Variants in NCALD observed in about 807,000 individuals in gnomAD.
NCALD encodes neurocalcin delta.
Under a neutral mutation model 18.6 loss-of-function variants are expected in NCALD, and 10 were observed. That is an observed-to-expected ratio of 0.54 (90% CI 0.33 to 0.91). The LOEUF is 0.91. Among genes scored for constraint, NCALD ranks in the 40% least tolerant of loss-of-function variants. The pLI, the probability that NCALD is intolerant of heterozygous loss-of-function variation, is 0.03. For synonymous variants in NCALD, 88 were observed against 87.4 expected (o/e 1.01, Z -0.04); for missense variants, 184 against 247.6 (o/e 0.74, Z 1.72).
At chr8:101,924,316 T>G (rs1818266896) in intron 2 of NCALD, among the ~76,000 whole-genome samples, 1 of 152,258 alleles carries the variant, frequency 6.6e-6, no homozygotes, top group Non-Finnish European at 1.5e-5. Flanking sequence ...GTTTCTGGTC[T>G]GTCAGCACTG....
chr8:101,924,091 T>A (rs759658169), intron 2 of NCALD, among the ~76,000 whole-genome samples: 1 of 152,166 alleles, frequency 6.6e-6, no homozygotes, highest in Non-Finnish European at 1.5e-5. Context: ...CCCCATCCAT[T>A]GATCCCCAGG....
intron 4 of NCALD, among the ~76,000 whole-genome samples, chr8:101,796,085 C>A (rs1391146718): frequency 1.3e-5 from 2 of 152,066 alleles, no homozygotes; most frequent in Non-Finnish European, 2.9e-5. Flanking sequence ...TTTCATATCT[C>A]AAAACTGAAA....
chr8:101,724,803 G>A (rs769895558), intron 1 of NCALD, among the ~76,000 whole-genome samples: 7 of 152,220 alleles, frequency 4.6e-5, no homozygotes, highest in Non-Finnish European at 7.3e-5. Flanking sequence ...CTAACTGTGA[G>A]TGTGGGCTGC....
intron 1 of NCALD, among the ~76,000 whole-genome samples, chr8:102,066,286 T>A (rs558883438): frequency 3.9e-5 from 6 of 152,220 alleles, no homozygotes; most frequent in Non-Finnish European, 8.8e-5. Context: ...ATATTTTATG[T>A]TCTGGTTCTC....
chr8:102,003,173 T>C (rs571179901), intron 2 of NCALD, among the ~76,000 whole-genome samples: 1,834 of 151,724 alleles, frequency 0.012, 11 homozygotes, highest in Non-Finnish European at 0.018. Context: ...ATCAAACAGA[T>C]GCAATAAAAA....
At chr8:101,843,244 T>C (rs541838871) in intron 4 of NCALD, among the ~76,000 whole-genome samples, 1 of 152,348 alleles carries the variant, frequency 6.6e-6, no homozygotes. Context: ...GTCCAGGTAA[T>C]TGTAGGAAGA....
chr8:101,831,781 T>G (rs1814199005), intron 4 of NCALD, among the ~76,000 whole-genome samples: 2 of 152,064 alleles, frequency 1.3e-5, no homozygotes, highest in African/African-American at 4.8e-5. Flanking sequence ...TGACCTCATC[T>G]AGACTATTCT....
At chr8:101,921,903 C>T (rs995797498) in intron 2 of NCALD, among the ~76,000 whole-genome samples, 3 of 151,582 alleles carry the variant, frequency 2.0e-5, no homozygotes, top group African/African-American at 7.3e-5. Flanking sequence ...TCCTTCATCT[C>T]AAAGTTATAT....
chr8:101,931,478 G>A (rs1818569627), intron 2 of NCALD, among the ~76,000 whole-genome samples: 1 of 152,282 alleles, frequency 6.6e-6, no homozygotes, highest in African/African-American at 2.4e-5. Flanking sequence ...AAGAAGCCTG[G>A]ACTGGACACT....
rs552489635 is a variant in NCALD, at chr8:101,727,040, T to G, written c.-19-7392A>C. ...AAACCATGCCCTCTTCAGTGTTGTG[T>G]CCTTCATGCCCAGTTCAAGACTGGA... On this transcript the variant is annotated intron_variant, in intron 1 of 3. Transcript: ENST00000220931. 2.2e-4 allele frequency among the ~76,000 whole-genome samples: 34 copies of G among 152,350 alleles called. 1 individual carries two copies. Among genetic ancestry groups the G allele is most frequent in the African/African-American group, 8.2e-4 (34 of 41,578 alleles).
At chr8:102,044,860 G>A (rs143612544) in intron 1 of NCALD, among the ~76,000 whole-genome samples, 9 of 152,270 alleles carry the variant, frequency 5.9e-5, no homozygotes, top group Non-Finnish European at 1.0e-4. Context: ...CCAGGCTTCA[G>A]TTTGGACACC....
At chr8:101,816,702 C>T (rs139569788) in intron 4 of NCALD, among the ~76,000 whole-genome samples, 170 of 152,216 alleles carry the variant, frequency 1.1e-3, no homozygotes, top group African/African-American at 3.8e-3. Context: ...AAAATGTCCC[C>T]GCTACAATAC....
At chr8:101,725,316 A>T (rs939454531) in intron 1 of NCALD, among the ~76,000 whole-genome samples, 1 of 152,194 alleles carries the variant, frequency 6.6e-6, no homozygotes, top group African/African-American at 2.4e-5. Flanking sequence ...ACATGGCTTA[A>T]CTTCAGACAG....
At chr8:101,988,330 A>G (rs1370574340) in intron 2 of NCALD, among the ~76,000 whole-genome samples, 1 of 152,220 alleles carries the variant, frequency 6.6e-6, no homozygotes, top group Non-Finnish European at 1.5e-5. Flanking sequence ...GTATGCGTGC[A>G]TGTATGTGTG....
intron 1 of NCALD, among the ~76,000 whole-genome samples, chr8:102,084,113 T>C (rs1194184012): frequency 6.6e-6 from 1 of 152,246 alleles, no homozygotes; most frequent in African/African-American, 2.4e-5. Flanking sequence ...TTCTTGTTCA[T>C]GCCTTTTCTT....
rs144066865 is a variant in NCALD at position 101,999,214 on chromosome 8, A to G, written c.-157+21023T>C. Among the ~76,000 whole-genome samples the G allele has an allele frequency of 2.2e-3, 338 of 152,298 alleles. 3 individuals are homozygous for G. Among genetic ancestry groups the G allele is most frequent in the Non-Finnish European group, 3.2e-3 (217 of 68,020 alleles). On this transcript the variant is annotated intron_variant, in intron 2 of 6. Transcript: ENST00000311028. Reference sequence around the variant, plus strand: ...AAGATACTTGCACACATATGTTTATACCAGCACAATTCACAATTGCAAAAA... The same window carrying G: ...AAGATACTTGCACACATATGTTTATGCCAGCACAATTCACAATTGCAAAAA...
chr8:101,920,424 G>A (rs1468657090), intron 2 of NCALD, among the ~76,000 whole-genome samples: 1 of 152,060 alleles, frequency 6.6e-6, no homozygotes, highest in African/African-American at 2.4e-5. Context: ...GACACATGAA[G>A]TCACATATTC....
chr8:102,073,531 C>T (rs906050974), intron 1 of NCALD, among the ~76,000 whole-genome samples: 1 of 146,736 alleles, frequency 6.8e-6, no homozygotes, highest in Non-Finnish European at 1.5e-5. Context: ...ATATTTTATG[C>T]TTTTTTTTTT....
At chr8:101,920,624 G>C (rs1818128105) in intron 2 of NCALD, among the ~76,000 whole-genome samples, 1 of 152,166 alleles carries the variant, frequency 6.6e-6, no homozygotes, top group African/African-American at 2.4e-5. Flanking sequence ...AATTAATACA[G>C]GAGCAGAAAA....
Sources: gnomAD v4.1 joint callset for allele counts (sites outside exome capture counted in the v4.1 genomes callset) on GRCh38, gnomAD v4.1.1 for gene constraint, MANE v1.5 for transcripts, NCBI Gene and HGNC (gene_info 2026-07-23, HGNC 2026-07-21) for gene names.